Variants in ZEB2 observed in about 807,000 individuals in gnomAD.
The protein encoded by ZEB2 is zinc finger E-box-binding homeobox 2.
A neutral mutation model predicts 99.9 loss-of-function variants in ZEB2; 6 were observed. The ratio of observed to expected loss-of-function variants is 0.06; its 90% confidence interval spans 0.03 to 0.12. ZEB2 has a LOEUF of 0.12. Ranked by LOEUF, ZEB2 falls within the 10% of genes least tolerant of loss-of-function variation. The pLI is 1.00. For missense variants in ZEB2, 969 were observed against 1,502.8 expected (o/e 0.64, Z 5.87); for synonymous variants, 517 against 542.5 (o/e 0.95, Z 0.65).
intron 3 of ZEB2, chr2:144,427,338 G>A (rs1024672369): frequency 6.6e-6 from 1 of 152,204 alleles, no homozygotes; most frequent in Non-Finnish European, 1.5e-5. Flanking sequence ...GAAAGGCACA[G>A]TAAGAACTCC....
At chr2:144,407,724 C>T (rs1296432241) in intron 4 of ZEB2, among the ~76,000 whole-genome samples, 5 of 152,122 alleles carry the variant, frequency 3.3e-5, no homozygotes, top group Admixed American at 1.3e-4. Context: ...TTTCTGAATT[C>T]GTATCTACTT....
chr2:144,426,985 C>T (rs1275841202), intron 3 of ZEB2: 1 of 152,176 alleles, frequency 6.6e-6, no homozygotes, highest in African/African-American at 2.4e-5. Flanking sequence ...GGCAATCTGG[C>T]TGTCTTTCTG....
chr2:144,418,796 T>C (rs971342144), intron 4 of ZEB2, among the ~76,000 whole-genome samples: 3 of 151,476 alleles, frequency 2.0e-5, no homozygotes, highest in African/African-American at 7.3e-5. Flanking sequence ...TGGCATGCCA[T>C]GAGAATGACA....
intron 4 of ZEB2, among the ~76,000 whole-genome samples, chr2:144,415,549 C>T (rs538712120): frequency 1.3e-5 from 2 of 152,306 alleles, no homozygotes; most frequent in East Asian, 3.9e-4. Flanking sequence ...AATAACCCAT[C>T]CCTTACAGAC....
At chr2:144,492,436 G>T (rs1386210053) in intron 2 of ZEB2, among the ~76,000 whole-genome samples, 1 of 152,198 alleles carries the variant, frequency 6.6e-6, no homozygotes, top group East Asian at 1.9e-4. Context: ...CCTACTATGT[G>T]CTTGGCACTT....
At chr2:144,484,185 T>TTGTGTGTG (rs10529605) in intron 2 of ZEB2, among the ~76,000 whole-genome samples, 6,000 of 142,478 alleles carry the variant, frequency 0.042, 361 homozygotes, top group African/African-American at 0.13. Context: ...AAATCTGGAT[T>TTGTGTGTG]TGTGTGTGTG....
intron 2 of ZEB2, among the ~76,000 whole-genome samples, chr2:144,476,953 T>A (rs1239540272): frequency 6.6e-6 from 1 of 152,198 alleles, no homozygotes. Context: ...TCTGATCATT[T>A]AAAAACATTC....
At chr2:144,475,020 A>G (rs1406066327) in intron 2 of ZEB2, among the ~76,000 whole-genome samples, 2 of 152,240 alleles carry the variant, frequency 1.3e-5, no homozygotes, top group African/African-American at 4.8e-5. Context: ...ATCAAAATTA[A>G]AGGAAACTCC....
At chr2:144,392,550 A>G (rs1243066977) in intron 9 of ZEB2, among the ~76,000 whole-genome samples, 4 of 152,236 alleles carry the variant, frequency 2.6e-5, no homozygotes, top group Non-Finnish European at 5.9e-5. Flanking sequence ...GAAAAAATAA[A>G]ATGTTCAGTT....
intron 5 of ZEB2, 152 bp from the exon 6 acceptor site, chr2:144,404,282 A>ACACCT (rs1703352177): frequency 1.2e-6 from 1 of 811,784 alleles, no homozygotes; most frequent in African/African-American, 1.7e-5. Flanking sequence ...CTCGCACACC[A>ACACCT]GTCCCCTCGC....
chr2:144,417,800 A>C (rs560239457), intron 4 of ZEB2, among the ~76,000 whole-genome samples: 3 of 152,294 alleles, frequency 2.0e-5, no homozygotes, highest in Admixed American at 6.5e-5. Flanking sequence ...AATGTAGTGC[A>C]TATTTCAGAA....
At chr2:144,512,621 T>C in intron 2 of ZEB2, 1 of 1,287,214 alleles carries the variant, frequency 7.8e-7, no homozygotes, top group Non-Finnish European at 1.0e-6. Context: ...AGAGAAACAA[T>C]GTAAAGTTTA....
At chr2:144,440,507 ATATATATATTTTTTTTTTTTTTTT>A (rs1425631797) in intron 2 of ZEB2, among the ~76,000 whole-genome samples, 34 of 14,920 alleles carry the variant, frequency 2.3e-3, no homozygotes, top group Admixed American at 4.3e-3. Context: ...ATATATATAT[ATATATATATTTTTTTTTTTTTTTT>A]TTTTTTTTTT....
intron 2 of ZEB2, among the ~76,000 whole-genome samples, chr2:144,505,584 G>A (rs2149927706): frequency 6.6e-6 from 1 of 152,308 alleles, no homozygotes; most frequent in African/African-American, 2.4e-5. Context: ...AGTGGGAGGT[G>A]GCTGGATTGT....
At chr2:144,491,881 GTACTATA>G (rs1704686316) in intron 2 of ZEB2, among the ~76,000 whole-genome samples, 1 of 152,172 alleles carries the variant, frequency 6.6e-6, no homozygotes, top group Admixed American at 6.5e-5. Flanking sequence ...TCATTATGTA[GTACTATA>G]TTTGGACTAC....
At chr2:144,511,616 G>C (rs1256350327) in intron 2 of ZEB2, 1 of 1,286,380 alleles carries the variant, frequency 7.8e-7, no homozygotes, top group Admixed American at 2.3e-5. Flanking sequence ...AGCCCAAATA[G>C]TCATTCAATA....
At chr2:144,400,442 G>A (rs1380006856) in intron 7 of ZEB2, 172 bp from the exon 8 acceptor site, 1 of 727,898 alleles carries the variant, frequency 1.4e-6, no homozygotes, top group Non-Finnish European at 2.2e-6. Flanking sequence ...AACTTTATCT[G>A]CCCTGGGAGG....
chr2:144,458,899 T>C (rs1315349820), intron 2 of ZEB2, among the ~76,000 whole-genome samples: 4 of 152,096 alleles, frequency 2.6e-5, no homozygotes, highest in African/African-American at 4.8e-5. Context: ...GAATAAAGAA[T>C]TGATAAAAGA....
chr2:144,496,430 T>C (rs1007133881), intron 2 of ZEB2: 1 of 152,208 alleles, frequency 6.6e-6, no homozygotes, highest in Non-Finnish European at 1.5e-5. Flanking sequence ...TTTTTCAAAC[T>C]GACATAGTAA....
Sources: gnomAD v4.1 joint callset for allele counts (sites outside exome capture counted in the v4.1 genomes callset) on GRCh38, gnomAD v4.1.1 for gene constraint, MANE v1.5 for transcripts, NCBI Gene and HGNC (gene_info 2026-07-23, HGNC 2026-07-21) for gene names.